Variants in VIT observed in about 807,000 individuals in gnomAD.
VIT encodes the protein vitrin.
In VIT, 99 loss-of-function variants were observed where a neutral mutation model predicts 78.0. That is an observed-to-expected ratio of 1.27 (90% CI 1.08 to 1.50). The LOEUF is 1.50. VIT is among the 40% of genes most tolerant of loss of function. The pLI, the probability that VIT is intolerant of heterozygous loss-of-function variation, is 0.00. For missense variants in VIT, 1,126 were observed against 875.3 expected (o/e 1.29, Z -3.61); for synonymous variants, 374 against 334.3 (o/e 1.12, Z -1.29).
intron 4 of VIT, among the ~76,000 whole-genome samples, chr2:36,744,466 C>T (rs577063036): frequency 2.0e-5 from 3 of 152,210 alleles, no homozygotes; most frequent in Non-Finnish European, 2.9e-5. Context: ...TCCCTTTTCT[C>T]TGCAGCCCAC....
intron 7 of VIT, among the ~76,000 whole-genome samples, chr2:36,773,470 T>G (rs9678937): frequency 1.3e-5 from 2 of 152,080 alleles, no homozygotes; most frequent in Non-Finnish European, 2.9e-5. Context: ...ATTGGCCGGG[T>G]GTGGTGGCTC....
chr2:36,801,677 G>A (rs1335770190), intron 13 of VIT, among the ~76,000 whole-genome samples: 5 of 151,598 alleles, frequency 3.3e-5, no homozygotes, highest in Non-Finnish European at 4.4e-5. Context: ...GTGTGGTGGC[G>A]GGTGCCTATA....
chr2:36,808,934 G>A lies in VIT; in HGVS notation c.1852G>A (p.Gly618Arg), dbSNP rs185199684. The change falls in exon 15 of 16, where the codon GGG (glycine) becomes AGG (arginine). Residue 618 changes from glycine (G) to arginine (R), a missense_variant. Transcript: ENST00000379242. Reference sequence around the variant, plus strand: ...GAAGTTAATGATCCTCATCACCGACGGGAGGTCCTACGACGACGTCCGGAT... The same window carrying A: ...GAAGTTAATGATCCTCATCACCGACAGGAGGTCCTACGACGACGTCCGGAT... ...KRKLMILITD[G>R]RSYDDVRIPA... The A allele has an allele frequency of 1.2e-4, 200 of 1,612,590 alleles. 2 individuals are homozygous for A. The South Asian group carries it at 2.0e-3, about 16-fold the overall frequency.
chr2:36,811,674 T>C (rs558288323), intron 15 of VIT, among the ~76,000 whole-genome samples: 25 of 151,852 alleles, frequency 1.6e-4, no homozygotes, highest in African/African-American at 4.1e-4. Flanking sequence ...TTCTTTCTTT[T>C]TTTTTTTTTT....
chr2:36,722,371 C>T (rs749803341), intron 2 of VIT, among the ~76,000 whole-genome samples: 1 of 152,210 alleles, frequency 6.6e-6, no homozygotes, highest in Non-Finnish European at 1.5e-5. Context: ...GGTTTCCTTT[C>T]TATAAAATAA....
At chr2:36,721,271 A>T (rs1271217385) in intron 2 of VIT, among the ~76,000 whole-genome samples, 1 of 152,172 alleles carries the variant, frequency 6.6e-6, no homozygotes, top group East Asian at 1.9e-4. Flanking sequence ...TTATTTGTCA[A>T]TTATACCTTA....
chr2:36,716,912 T>C (rs1469883185), intron 2 of VIT, among the ~76,000 whole-genome samples: 1 of 134,248 alleles, frequency 7.4e-6, no homozygotes, highest in African/African-American at 2.8e-5. Flanking sequence ...AGTCTCACTC[T>C]CTTGCCCAGG....
Position 36,747,330 on chromosome 2 carries a change from G to A in VIT, c.275+4074G>A, listed in dbSNP as rs143250597. On this transcript the variant is annotated intron_variant, in intron 4 of 15. Coordinates refer to ENST00000379242, the MANE Select transcript of VIT (RefSeq NM_053276.4). ...TATTAGAGCCAACTGATCAAATGTTGAGTGTAAGTCCAGAATTTCTTTGTC... is the reference window on the plus strand; with the variant it reads ...TATTAGAGCCAACTGATCAAATGTTAAGTGTAAGTCCAGAATTTCTTTGTC... Among the ~76,000 whole-genome samples, 830 of 152,260 alleles carry A rather than the reference G, an allele frequency of 5.5e-3. 3 individuals are homozygous for A. The highest frequency in any genetic ancestry group is 0.021 in the South Asian group (100 of 4,828).
intron 1 of VIT, among the ~76,000 whole-genome samples, chr2:36,707,860 GAAA>G (rs11362905): frequency 7.1e-6 from 1 of 141,226 alleles, no homozygotes. Context: ...ATTTCTTTAG[GAAA>G]AAAAAAAAAA....
intron 12 of VIT, among the ~76,000 whole-genome samples, chr2:36,791,179 G>C (rs1665475343): frequency 6.6e-6 from 1 of 152,158 alleles, no homozygotes; most frequent in Admixed American, 6.5e-5. Context: ...TTGCTCATGA[G>C]TCTATAATAG....
intron 1 of VIT, among the ~76,000 whole-genome samples, chr2:36,708,391 T>G (rs1665584944): frequency 6.6e-6 from 1 of 152,206 alleles, no homozygotes; most frequent in South Asian, 2.1e-4. Context: ...GATGTAGCAT[T>G]GTAGATCAGA....
chr2:36,720,613 C>G (rs1666443028), intron 2 of VIT, among the ~76,000 whole-genome samples: 1 of 152,210 alleles, frequency 6.6e-6, no homozygotes, highest in Admixed American at 6.5e-5. Context: ...CATTTACATA[C>G]TGTATCGAAT....
intron 5 of VIT, among the ~76,000 whole-genome samples, chr2:36,758,764 T>C (rs1668921518): frequency 6.6e-6 from 1 of 152,196 alleles, no homozygotes. Flanking sequence ...GTTGCTTCCA[T>C]TCTAATAGTA....
chr2:36,737,223 T>C (rs973614981), intron 3 of VIT, among the ~76,000 whole-genome samples: 10 of 152,112 alleles, frequency 6.6e-5, no homozygotes, highest in Admixed American at 5.9e-4. Context: ...TAAGCCCACA[T>C]ACCATGGAAA....
chr2:36,812,829 C>G (rs573820357), intron 15 of VIT, among the ~76,000 whole-genome samples: 1 of 151,130 alleles, frequency 6.6e-6, no homozygotes, highest in African/African-American at 2.4e-5. Context: ...TCTCACCAAA[C>G]TACCAGTGTC....
chr2:36,755,836 A>G (rs1668726144), intron 5 of VIT, among the ~76,000 whole-genome samples: 1 of 152,138 alleles, frequency 6.6e-6, no homozygotes, highest in African/African-American at 2.4e-5. Flanking sequence ...TTTTAAAAAT[A>G]TAATGTTATC....
intron 13 of VIT, 31 bp downstream of exon 13, chr2:36,801,435 T>C: frequency 6.5e-7 from 1 of 1,533,944 alleles, no homozygotes; most frequent in Non-Finnish European, 9.0e-7. Flanking sequence ...TTATACTATC[T>C]TGCTACCATC....
chr2:36,761,584 C>CA (rs1669122841), intron 6 of VIT, among the ~76,000 whole-genome samples: 1 of 151,872 alleles, frequency 6.6e-6, no homozygotes, highest in Non-Finnish European at 1.5e-5. Flanking sequence ...ACTAAAAATA[C>CA]GAAAAATTAG....
chr2:36,770,992 G>T (rs1669715716), intron 7 of VIT, among the ~76,000 whole-genome samples: 1 of 152,198 alleles, frequency 6.6e-6, no homozygotes, highest in African/African-American at 2.4e-5. Context: ...GAAATTTGAG[G>T]CAGGAAGAGA....
Sources: gnomAD v4.1 joint callset for allele counts (sites outside exome capture counted in the v4.1 genomes callset) on GRCh38, gnomAD v4.1.1 for gene constraint, MANE v1.5 for transcripts, NCBI Gene and HGNC (gene_info 2026-07-23, HGNC 2026-07-21) for gene names.